Variants in CUBN observed in about 807,000 individuals in gnomAD.
The protein encoded by CUBN is 460 kDa receptor.
In CUBN, 282 loss-of-function variants were observed where a neutral mutation model predicts 405.3. The ratio of observed to expected loss-of-function variants is 0.70; its 90% CI spans 0.63 to 0.77. The LOEUF (loss-of-function observed/expected upper bound fraction) is 0.77, where lower values mean the gene tolerates loss of function less well. CUBN is among the 30% of genes least tolerant of loss of function. The pLI, the probability that CUBN is intolerant of heterozygous loss-of-function variation, is 0.00. For missense variants in CUBN, 4,514 were observed against 4,475.2 expected (o/e 1.01, Z -0.25); for synonymous variants, 1,684 against 1,617.0 (o/e 1.04, Z -0.99).
At chr10:16,858,007 T>C (rs1233228988) in intron 59 of CUBN, among the ~76,000 whole-genome samples, 1 of 152,190 alleles carries the variant, frequency 6.6e-6, no homozygotes, top group Non-Finnish European at 1.5e-5. Flanking sequence ...CAAATTTTAA[T>C]ATACTAACCA....
At chr10:16,904,354 C>T (rs1479209081) in intron 50 of CUBN, among the ~76,000 whole-genome samples, 1 of 152,150 alleles carries the variant, frequency 6.6e-6, no homozygotes, top group Admixed American at 6.5e-5. Flanking sequence ...ATGATGGACA[C>T]CATTTTGTTC....
intron 45 of CUBN, among the ~76,000 whole-genome samples, chr10:16,917,318 T>G (rs1387008269): frequency 1.3e-5 from 2 of 152,134 alleles, no homozygotes; most frequent in African/African-American, 4.8e-5. Flanking sequence ...CCCCAGTGAG[T>G]GCCTAAAGCC....
At position 16,888,373 on chromosome 10, in the gene CUBN, T is replaced by C. The variant is rs764433405; in HGVS notation, c.8905+44A>G. The C allele has an allele frequency of 4.0e-6, 6 of 1,484,920 alleles. No individual in the cohort carries two copies. The Admixed American group carries it at 8.7e-5, about 21-fold the overall frequency. 92.0% of individuals were successfully genotyped at this position (1,484,920 alleles called of 1,614,324 possible). On this transcript the variant is annotated intron_variant, in intron 56 of 66. Transcript: ENST00000377833. The stretch of plus-strand genomic sequence containing the variant: ...GTTGTACACCATAAATATACAATTT[T>C]TGTTTGTCAATTAAACGTAATTTTT...
intron 36 of CUBN, among the ~76,000 whole-genome samples, chr10:16,940,603 T>A (rs141086607): frequency 1.2e-4 from 19 of 152,288 alleles, no homozygotes; most frequent in African/African-American, 4.3e-4. Flanking sequence ...TGCAATAGCT[T>A]GATGGGAAGA....
chr10:16,967,350 G>A (rs1843421764), intron 31 of CUBN, among the ~76,000 whole-genome samples: 1 of 152,206 alleles, frequency 6.6e-6, no homozygotes, highest in Admixed American at 6.5e-5. Flanking sequence ...ATGTTGACAT[G>A]AGAAGAAATC....
intron 12 of CUBN, 77 bp from the exon 13 acceptor site, chr10:17,103,314 G>A: frequency 1.2e-6 from 1 of 861,014 alleles, no homozygotes; most frequent in South Asian, 1.4e-5. Context: ...CCCTGCTGCT[G>A]ATAAACTTAG....
chr10:16,966,974 T>G (rs933879855), intron 31 of CUBN, among the ~76,000 whole-genome samples: 2 of 152,190 alleles, frequency 1.3e-5, no homozygotes, highest in East Asian at 3.9e-4. Context: ...CACTTTGGAA[T>G]ACGAACTTCT....
Position 17,085,685 on chromosome 10 carries a change from C to G in CUBN, c.2022G>C (p.Gln674His), listed in dbSNP as rs777958487. 1 of 1,614,040 alleles carries G rather than the reference C, an allele frequency of 6.2e-7. No homozygotes were observed. Among genetic ancestry groups the G allele is most frequent in the Non-Finnish European group, 8.5e-7 (1 of 1,179,956 alleles). The change falls in exon 16 of 67, where the codon CAG becomes CAC. Residue 674 changes from glutamine (Q) to histidine (H), a missense_variant. This residue lies in a region of CUBN where 1,448 missense variants were observed against 1,388.0 expected (regional missense o/e 1.04). Coordinates refer to ENST00000377833, the MANE Select transcript of CUBN (RefSeq NM_001081.4). ...GAATTCTGGCAAAGGGGCCAGTAGTCTGGAGCGGTGGGACAGAGAAAGTGG... is the reference window on the plus strand; with the variant it reads ...GAATTCTGGCAAAGGGGCCAGTAGTGTGGAGCGGTGGGACAGAGAAAGTGG... ...FCTTFSVPPL[Q>H]TTGPFARIHF... is the part of the protein sequence containing the mutation.
At chr10:17,121,543 T>C (rs1403603154) in intron 6 of CUBN, among the ~76,000 whole-genome samples, 1 of 104,068 alleles carries the variant, frequency 9.6e-6, no homozygotes, top group Non-Finnish European at 1.9e-5. Context: ...CCGGGGACTG[T>C]TGTGGGGTGG....
chr10:17,100,196 T>A lies in CUBN; in HGVS notation c.1574A>T (p.Asp525Val). 6.2e-7 allele frequency: 1 copy of A among 1,614,006 alleles called. No individual in the cohort carries two copies. The highest frequency in any genetic ancestry group is 8.5e-7 in the Non-Finnish European group (1 of 1,179,904). The change falls in exon 14 of 67, where the codon GAC (aspartate) becomes GTC (valine). Residue 525 changes from aspartate (D) to valine (V), a missense_variant. This residue lies in a region of CUBN where 1,448 missense variants were observed against 1,388.0 expected (regional missense o/e 1.04). Coordinates refer to ENST00000377833, the MANE Select transcript of CUBN (RefSeq NM_001081.4). The stretch of plus-strand genomic sequence containing the variant: ...CTGAAGAAACTCGTGTGGACAGTTG[T>A]CCATGGATTCTAACCGGAAAAAAGT... Reference protein sequence around the residue: ...TFTFFRLESMDNCPHEFLQVY... With the variant: ...TFTFFRLESMVNCPHEFLQVY...
At chr10:17,026,003 C>T (rs561506405) in intron 27 of CUBN, among the ~76,000 whole-genome samples, 68 of 152,274 alleles carry the variant, frequency 4.5e-4, no homozygotes, top group African/African-American at 1.5e-3. Flanking sequence ...AGCAAAGTGG[C>T]TCTCATGCTA....
At chr10:16,842,049 CTT>C (rs146336877) in intron 60 of CUBN, among the ~76,000 whole-genome samples, 6 of 144,084 alleles carry the variant, frequency 4.2e-5, no homozygotes, top group Non-Finnish European at 3.0e-5. Flanking sequence ...ACATATTTAG[CTT>C]TTTTTTTTTT....
At chr10:17,104,016 CTATT>C (rs1836561161) in intron 12 of CUBN, among the ~76,000 whole-genome samples, 1 of 152,156 alleles carries the variant, frequency 6.6e-6, no homozygotes, top group Non-Finnish European at 1.5e-5. Context: ...ATCCCAGTCT[CTATT>C]TAACAGGCAA....
Position 16,977,005 on chromosome 10 carries a change from A to C in CUBN, c.4695+5479T>G, listed in dbSNP as rs80073928. 9.3e-3 allele frequency among the ~76,000 whole-genome samples: 1,410 copies of C among 152,304 alleles called. 20 individuals are homozygous for C. The highest frequency in any genetic ancestry group is 0.032 in the African/African-American group (1,350 of 41,560). On this transcript the variant is annotated intron_variant, in intron 31 of 66. Transcript: ENST00000377833. ...TTTTATTTCCATGAGTTGAGTAATCACAGTTGTATAGCAAGTGTGCCAGGT... is the reference window on the plus strand; with the variant it reads ...TTTTATTTCCATGAGTTGAGTAATCCCAGTTGTATAGCAAGTGTGCCAGGT...
In CUBN at chr10:17,123,686, C is replaced by G; in HGVS notation, c.391G>C (p.Val131Leu). 1 of 1,612,314 alleles carries G rather than the reference C, an allele frequency of 6.2e-7. No individual in the cohort carries two copies. Among genetic ancestry groups the G allele is most frequent in the Non-Finnish European group, 8.5e-7 (1 of 1,178,624 alleles). Residue 131 changes from valine to leucine, a missense_variant, in exon 5 of 67, where the codon GTT (valine) becomes CTT (leucine). This residue lies in a region of CUBN where 1,448 missense variants were observed against 1,388.0 expected (regional missense o/e 1.04). Coordinates refer to ENST00000377833, the MANE Select transcript of CUBN (RefSeq NM_001081.4). The part of the protein sequence containing the change: ...ERKFQGLQQT[V>L]DKKVCSSNPC... ...TTGCTGCTGCAAACCTTTTTGTCAA[C>G]AGTCTGAAACAAAAACAGGACAGTC...
intron 48 of CUBN, among the ~76,000 whole-genome samples, chr10:16,908,872 C>CTTTTTT (rs35736503): frequency 7.8e-5 from 9 of 115,412 alleles, no homozygotes; most frequent in South Asian, 2.9e-4. Context: ...GATGTCATCT[C>CTTTTTT]TTTTTTTTTT....
chr10:17,045,885 A>T (rs1835120763), intron 24 of CUBN, 49 bp downstream of exon 24: 4 of 1,595,080 alleles, frequency 2.5e-6, no homozygotes, highest in African/African-American at 2.7e-5. Flanking sequence ...AGAATCAAGA[A>T]ACCAATCAGA....
Position 17,065,484 on chromosome 10 carries a change from G to T in CUBN, c.3139+24C>A. ...GTTTTGCAATGGAGTCAATAAAACCGAGTATGCAATGCTGTTTTGTTACCT... is the reference window on the plus strand; with the variant it reads ...GTTTTGCAATGGAGTCAATAAAACCTAGTATGCAATGCTGTTTTGTTACCT... On this transcript the variant is annotated intron_variant, in intron 22 of 66. Transcript: ENST00000377833. 2.5e-6 allele frequency: 4 copies of T among 1,612,010 alleles called. No individual in the cohort carries two copies. The South Asian group carries it at 3.3e-5, about 13-fold the overall frequency.
chr10:17,011,349 G>A (rs553681435), intron 28 of CUBN, among the ~76,000 whole-genome samples: 3 of 152,070 alleles, frequency 2.0e-5, no homozygotes, highest in East Asian at 1.9e-4. Flanking sequence ...CAGTGGGTTC[G>A]TGGTCTCGCT....
Sources: gnomAD v4.1 joint callset for allele counts (sites outside exome capture counted in the v4.1 genomes callset) on GRCh38, gnomAD v4.1.1 for gene constraint, gnomAD v4.1.1 regional missense constraint, MANE v1.5 for transcripts, NCBI Gene and HGNC (gene_info 2026-07-23, HGNC 2026-07-21) for gene names.